Variants in ARID3A observed in about 807,000 individuals in gnomAD.
ARID3A encodes the protein AT-rich interactive domain-containing protein 3A.
ARID3A carries 11 observed loss-of-function variants against 52.7 expected under a neutral mutation model. The observed-to-expected ratio is 0.21, with a 90% confidence interval of 0.13 to 0.35. The LOEUF is 0.35. Ranked by LOEUF, ARID3A falls within the 10% of genes least tolerant of loss-of-function variation. The probability of loss-of-function intolerance (pLI) is 1.00; values close to 1 mark genes in which losing one functional copy is unlikely to be tolerated. For synonymous variants in ARID3A, 404 were observed against 359.4 expected (o/e 1.12, Z -1.40); for missense variants, 721 against 838.5 (o/e 0.86, Z 1.73).
Position 974,150 on chromosome 19 carries a change from TG to T in ARID3A, c.*2091del. The T allele has an allele frequency of 1.8e-5, 4 of 222,566 alleles. No homozygotes were observed. Among genetic ancestry groups the T allele is most frequent in the Non-Finnish European group, 2.7e-5 (3 of 111,422 alleles). The allele number at this position is 222,566 out of a possible 1,614,324, so 13.8% of individuals were successfully genotyped here. On this transcript the variant is annotated 3_prime_UTR_variant, in exon 9 of 9. Transcript: ENST00000263620. ...CCTTGGAGACCCCTGGGGAGGGGGCTGGGGGGCTTCTGAGCCCCTGAGTCTA... is the reference window on the plus strand; with the variant it reads ...CCTTGGAGACCCCTGGGGAGGGGGCTGGGGGCTTCTGAGCCCCTGAGTCTA...
intron 4 of ARID3A, among the ~76,000 whole-genome samples, chr19:962,513 C>CTTTTTTT (rs539409112): frequency 2.6e-5 from 3 of 115,268 alleles, no homozygotes; most frequent in Non-Finnish European, 5.2e-5. Flanking sequence ...GCTGCTGATC[C>CTTTTTTT]TTTTTTTTTT....
At position 929,748 on chromosome 19, in the gene ARID3A, C is replaced by T; in HGVS notation, c.220C>T (p.His74Tyr). The T allele has an allele frequency of 6.4e-7, 1 of 1,556,766 alleles. No homozygotes were observed. The highest frequency in any genetic ancestry group is 1.2e-5 in the South Asian group (1 of 85,582). Residue 74 changes from histidine (H) to tyrosine (Y), a missense_variant, in exon 2 of 9, where the codon CAC becomes TAC. By Grantham distance (83) the His-to-Tyr change is moderately conservative. Coordinates refer to ENST00000263620, the MANE Select transcript of ARID3A (RefSeq NM_005224.3). This position sits in a 1 kb window ranked among gnomAD's most constrained non-coding sequence, Gnocchi z 6.2. ...AMRAAAAGLG[H>Y]PASPGGSEDG... The stretch of plus-strand genomic sequence containing the variant: ...GCGGGCTGCAGCTGCGGGCCTGGGA[C>T]ACCCAGCCAGCCCCGGCGGCTCTGA...
rs1201168905 is a variant in ARID3A at position 941,842 on chromosome 19, G to A, written c.693+9100G>A. 1.3e-5 allele frequency among the ~76,000 whole-genome samples: 2 copies of A among 151,946 alleles called. No homozygotes were observed. The highest frequency in any genetic ancestry group is 1.9e-4 in the East Asian group (1 of 5,172). Reference sequence around the variant, plus strand: ...GCTGCAAGCGTATGTGTGTGTGCACGTCGAGGCTGGAGAGTGTGTGTCCAA... The same window carrying A: ...GCTGCAAGCGTATGTGTGTGTGCACATCGAGGCTGGAGAGTGTGTGTCCAA... On this transcript the variant is annotated intron_variant, in intron 3 of 8. Transcript: ENST00000263620. This position sits in a 1 kb window ranked among gnomAD's most constrained non-coding sequence, Gnocchi z 6.9.
chr19:954,598 G>A (rs995839720), intron 3 of ARID3A, among the ~76,000 whole-genome samples: 3 of 152,332 alleles, frequency 2.0e-5, no homozygotes, highest in East Asian at 3.9e-4. Context: ...GGGGCCATGC[G>A]AGGGCTGGGG....
At position 975,877 on chromosome 19, in the gene ARID3A, TA is replaced by T. The variant is rs2038367734; in HGVS notation, c.*3814del. On this transcript the variant is annotated 3_prime_UTR_variant, in exon 9 of 9. Coordinates refer to ENST00000263620, the MANE Select transcript of ARID3A (RefSeq NM_005224.3). ...ACTTCAGAAATATTTAAGACGATTG[TA>T]ACCCTGTAAAGCTGATGAGATATTA... 1 of 183,818 alleles carries T rather than the reference TA, an allele frequency of 5.4e-6. No individual in the cohort carries two copies. Among genetic ancestry groups the T allele is most frequent in the Non-Finnish European group, 1.2e-5 (1 of 86,672 alleles). The allele number at this position is 183,818 out of a possible 1,614,324, so 11.4% of individuals were successfully genotyped here.
At chr19:933,363 G>T (rs775141816) in intron 3 of ARID3A, among the ~76,000 whole-genome samples, 2 of 152,186 alleles carry the variant, frequency 1.3e-5, no homozygotes, top group African/African-American at 4.8e-5. Flanking sequence ...CCCGCAGGCG[G>T]CCAGGCCAGA....
chr19:946,285 A>G (rs1305854944), intron 3 of ARID3A, among the ~76,000 whole-genome samples: 1 of 141,608 alleles, frequency 7.1e-6, no homozygotes, highest in Non-Finnish European at 1.6e-5. Context: ...TTTATGAGAC[A>G]GAGTCTTGCT....
In ARID3A at chr19:975,843, T is replaced by C. The variant is rs2038366987; in HGVS notation, c.*3778T>C. The C allele has an allele frequency of 5.3e-6, 1 of 190,392 alleles. No homozygotes were observed. Among genetic ancestry groups the C allele is most frequent in the Non-Finnish European group, 1.1e-5 (1 of 90,866 alleles). The allele number at this position is 190,392 out of a possible 1,614,324, so 11.8% of individuals were successfully genotyped here. On this transcript the variant is annotated 3_prime_UTR_variant, in exon 9 of 9. Transcript: ENST00000263620. ...TTTATAGTAACATTATTATGCAGAT[T>C]GTATTTAAACTTCAGAAATATTTAA... is the stretch of plus-strand genomic sequence containing the variant.
chr19:935,876 T>C lies in ARID3A; in HGVS notation c.693+3134T>C, dbSNP rs1004963886. Among the ~76,000 whole-genome samples, 27 of 152,128 alleles carry C rather than the reference T, an allele frequency of 1.8e-4. 1 individual carries two copies. Among genetic ancestry groups the C allele is most frequent in the Admixed American group, 6.5e-4 (10 of 15,298 alleles). ...CGCGATCGCGGCTCACTGCAAGCTC[T>C]ACCTCCCGGGTTCACGCCATTCTCC... On this transcript the variant is annotated intron_variant, in intron 3 of 8. Coordinates refer to ENST00000263620, the MANE Select transcript of ARID3A (RefSeq NM_005224.3).
chr19:967,694 T>A lies in ARID3A; in HGVS notation c.1496-711T>A, dbSNP rs1028122557. The stretch of plus-strand genomic sequence containing the variant: ...CCGTCTACACCTTGTAAAGCTAAAA[T>A]CTAGTTGGCGAGACAGACAGAAAAC... On this transcript the variant is annotated intron_variant, in intron 7 of 8. Transcript: ENST00000263620. Among the ~76,000 whole-genome samples the A allele has an allele frequency of 1.1e-4, 16 of 152,170 alleles. 1 individual carries two copies. Among genetic ancestry groups the A allele is most frequent in the Admixed American group, 1.0e-3 (16 of 15,278 alleles).
chr19:932,751 G>A lies in ARID3A; in HGVS notation c.693+9G>A, dbSNP rs1339072662. The A allele has an allele frequency of 1.3e-6, 2 of 1,546,606 alleles. No homozygotes were observed. The highest frequency in any genetic ancestry group is 1.2e-5 in the South Asian group (1 of 83,936). ...AGGAGCAGTTTAAGCAGGTGAGTGG[G>A]CGCGTCCCGCGTGGCGGCTGAGGCA... On this transcript the variant is annotated intron_variant, in intron 3 of 8. Coordinates refer to ENST00000263620, the MANE Select transcript of ARID3A (RefSeq NM_005224.3).
chr19:959,606 G>A lies in ARID3A; in HGVS notation c.694-486G>A, dbSNP rs1021248432. Among the ~76,000 whole-genome samples, 2 of 152,132 alleles carry A rather than the reference G, an allele frequency of 1.3e-5. No individual in the cohort carries two copies. The highest frequency in any genetic ancestry group is 2.1e-4 in the South Asian group (1 of 4,832). On this transcript the variant is annotated intron_variant, in intron 3 of 8. Coordinates refer to ENST00000263620, the MANE Select transcript of ARID3A (RefSeq NM_005224.3). The surrounding 1 kb of genome is among the most constrained non-coding windows in gnomAD (Gnocchi z 5.0). ...TTGGACTTCTGGGCTCCGGGACCGC[G>A]GGAGAATAGATTTCTGTTGCTTTAA...
rs757309861 is a variant in ARID3A, at chr19:929,641, G to C, written c.113G>C (p.Arg38Pro). ...GATCCCCCTGCTGCACCCCCCGGCC[G>C]GGCCCGGGCTGCCCCCGACGAGGAC... ...PPDPPAAPPG[R>P]ARAAPDEDRE... Residue 38 changes from arginine (R) to proline (P), a missense_variant, in exon 2 of 9, where the codon CGG becomes CCG. Coordinates refer to ENST00000263620, the MANE Select transcript of ARID3A (RefSeq NM_005224.3). The surrounding 1 kb of genome is among the most constrained non-coding windows in gnomAD (Gnocchi z 6.2). The C allele has an allele frequency of 1.3e-6, 2 of 1,530,106 alleles. No homozygotes were observed. The highest frequency in any genetic ancestry group is 1.7e-6 in the Non-Finnish European group (2 of 1,145,166). The allele number at this position is 1,530,106 out of a possible 1,614,324, so 94.8% of individuals were successfully genotyped here. A position where few individuals can be genotyped will look rare whatever the true frequency, so the allele number is the denominator to read the frequency against.
chr19:948,702 CT>C (rs35592836), intron 3 of ARID3A, among the ~76,000 whole-genome samples: 6,459 of 77,336 alleles, frequency 0.084, 72 homozygotes, highest in East Asian at 0.18. Flanking sequence ...GGCCTGGAGT[CT>C]TTTTTTTTTT....
chr19:966,880 G>C lies in ARID3A; in HGVS notation c.1495+12G>C. 1 of 1,594,702 alleles carries C rather than the reference G, an allele frequency of 6.3e-7. No individual in the cohort carries two copies. Among genetic ancestry groups the C allele is most frequent in the Non-Finnish European group, 8.6e-7 (1 of 1,166,898 alleles). ...GATCAACAGCCAAGGTACTGCCCTCGTGCCCAGACCCGCTGTGCTTCCTGC... is the reference window on the plus strand; with the variant it reads ...GATCAACAGCCAAGGTACTGCCCTCCTGCCCAGACCCGCTGTGCTTCCTGC... On this transcript the variant is annotated intron_variant, in intron 7 of 8. Coordinates refer to ENST00000263620, the MANE Select transcript of ARID3A (RefSeq NM_005224.3).
In ARID3A at chr19:959,467, G is replaced by A. The variant is rs924789537; in HGVS notation, c.694-625G>A. 1.3e-5 allele frequency among the ~76,000 whole-genome samples: 2 copies of A among 152,068 alleles called. No homozygotes were observed. The highest frequency in any genetic ancestry group is 2.1e-4 in the South Asian group (1 of 4,824). Reference sequence around the variant, plus strand: ...TTTTTGTTATCATAATGTAGAGATGGGGTCTCACTATGTTGCCCAGGCTGG... The same window carrying A: ...TTTTTGTTATCATAATGTAGAGATGAGGTCTCACTATGTTGCCCAGGCTGG... On this transcript the variant is annotated intron_variant, in intron 3 of 8. Coordinates refer to ENST00000263620, the MANE Select transcript of ARID3A (RefSeq NM_005224.3). The surrounding 1 kb of genome is among the most constrained non-coding windows in gnomAD (Gnocchi z 5.0).
chr19:939,128 A>ATTT (rs57082317), intron 3 of ARID3A, among the ~76,000 whole-genome samples: 16,468 of 145,210 alleles, frequency 0.11, 1,275 homozygotes, highest in East Asian at 0.43. Context: ...TTTATTTATT[A>ATTT]TTATTATTTT....
chr19:937,699 C>CTTTTTTTTT (rs951435776), intron 3 of ARID3A, among the ~76,000 whole-genome samples: 1 of 90,796 alleles, frequency 1.1e-5, no homozygotes, highest in Non-Finnish European at 2.0e-5. Flanking sequence ...TTATTGTCGA[C>CTTTTTTTTT]TTTTTTTTTT....
At chr19:957,369 C>G (rs1476948925) in intron 3 of ARID3A, among the ~76,000 whole-genome samples, 1 of 152,196 alleles carries the variant, frequency 6.6e-6, no homozygotes, top group Non-Finnish European at 1.5e-5. Context: ...AGCCCCCAGG[C>G]TCTGGTCCCG....
Sources: gnomAD v4.1 joint callset for allele counts (sites outside exome capture counted in the v4.1 genomes callset) on GRCh38, gnomAD v4.1.1 for gene constraint, Gnocchi (gnomAD v3.1) non-coding constraint, MANE v1.5 for transcripts, NCBI Gene and HGNC (gene_info 2026-07-23, HGNC 2026-07-21) for gene names.